Variants in GALNTL6 observed in about 807,000 individuals in gnomAD.
The protein encoded by GALNTL6 is polypeptide N-acetylgalactosaminyltransferase-like 6.
In GALNTL6, 46 loss-of-function variants were observed where a neutral mutation model predicts 73.7. That is an observed-to-expected ratio of 0.62 (90% CI 0.49 to 0.80). The LOEUF is 0.80. Among genes scored for constraint, GALNTL6 ranks in the 30% least tolerant of loss-of-function variants. The pLI is 0.00. For synonymous variants in GALNTL6, 259 were observed against 263.7 expected, an observed-to-expected ratio of 0.98 and a Z score of 0.17; for missense variants, 604 against 755.0, an observed-to-expected ratio of 0.80 and a Z score of 2.34.
intron 5 of GALNTL6, among the ~76,000 whole-genome samples, chr4:172,631,934 C>A (rs1166371909): frequency 6.6e-6 from 1 of 152,058 alleles, no homozygotes; most frequent in Non-Finnish European, 1.5e-5. Context: ...ATTTTCAGTA[C>A]CTAGAAATAT....
rs1039123099 is a variant in GALNTL6, at chr4:172,027,682, T to C, written c.139-201974T>C. On this transcript the variant is annotated intron_variant, in intron 2 of 12. Coordinates refer to ENST00000506823, the MANE Select transcript of GALNTL6 (RefSeq NM_001034845.3). The stretch of plus-strand genomic sequence containing the variant: ...TGATTAAGCTTAGTTGAGGAAGGCA[T>C]GTTGCAAGCCAAGATGGGCCAAAAG... Among the ~76,000 whole-genome samples, 96 of 152,230 alleles carry C rather than the reference T, an allele frequency of 6.3e-4. 1 individual carries two copies. The highest frequency in any genetic ancestry group is 2.2e-3 in the African/African-American group (93 of 41,548).
intron 5 of GALNTL6, among the ~76,000 whole-genome samples, chr4:172,403,036 A>T (rs1579039546): frequency 6.6e-6 from 1 of 152,042 alleles, no homozygotes; most frequent in Non-Finnish European, 1.5e-5. Context: ...AATTTGTAGA[A>T]AGGAATAAGA....
At chr4:172,978,790 A>G (rs1011642512) in intron 10 of GALNTL6, among the ~76,000 whole-genome samples, 1 of 152,200 alleles carries the variant, frequency 6.6e-6, no homozygotes, top group African/African-American at 2.4e-5. Context: ...GGCAAACACA[A>G]CGATAAACAG....
At chr4:171,873,872 G>A (rs1343394897) in intron 2 of GALNTL6, among the ~76,000 whole-genome samples, 1 of 152,076 alleles carries the variant, frequency 6.6e-6, no homozygotes, top group African/African-American at 2.4e-5. Flanking sequence ...TGGAGTTGAA[G>A]GAGGGACATG....
chr4:172,836,436 A>G (rs1742913951), intron 7 of GALNTL6, among the ~76,000 whole-genome samples: 1 of 152,208 alleles, frequency 6.6e-6, no homozygotes, highest in Non-Finnish European at 1.5e-5. Flanking sequence ...ATGCAGTGCC[A>G]TGCTCCAAAG....
chr4:172,380,076 T>C, intron 5 of GALNTL6: 1 of 973,996 alleles, frequency 1.0e-6, no homozygotes, highest in South Asian at 1.3e-5. Context: ...TAGCTGTTTA[T>C]ATGGCTTGGG....
intron 6 of GALNTL6, among the ~76,000 whole-genome samples, chr4:172,811,134 G>A (rs1432701680): frequency 6.6e-6 from 1 of 152,078 alleles, no homozygotes; most frequent in Non-Finnish European, 1.5e-5. Context: ...CATCCAAAGT[G>A]AAAAAACAGG....
chr4:172,181,597 G>A (rs942421703), intron 2 of GALNTL6, among the ~76,000 whole-genome samples: 13 of 149,894 alleles, frequency 8.7e-5, no homozygotes, highest in African/African-American at 3.0e-4. Context: ...GTTCTGGCCA[G>A]GGCAATCAGG....
intron 2 of GALNTL6, among the ~76,000 whole-genome samples, chr4:171,880,588 G>C (rs1029835597): frequency 2.0e-5 from 3 of 152,124 alleles, no homozygotes; most frequent in African/African-American, 7.2e-5. Flanking sequence ...GCTGAAGCAG[G>C]CACAAAATAA....
intron 3 of GALNTL6, among the ~76,000 whole-genome samples, chr4:172,249,871 C>T (rs961191189): frequency 6.6e-6 from 1 of 152,198 alleles, no homozygotes; most frequent in Non-Finnish European, 1.5e-5. Context: ...GGGTGGACCC[C>T]TCAGGGAGAT....
At chr4:172,164,039 A>C (rs1054879805) in intron 2 of GALNTL6, among the ~76,000 whole-genome samples, 2 of 152,020 alleles carry the variant, frequency 1.3e-5, no homozygotes, top group Non-Finnish European at 2.9e-5. Flanking sequence ...AGGGAATGGA[A>C]GTTTACGAGA....
At chr4:172,331,466 A>G (rs890147509) in intron 4 of GALNTL6, among the ~76,000 whole-genome samples, 2 of 152,198 alleles carry the variant, frequency 1.3e-5, no homozygotes, top group Non-Finnish European at 2.9e-5. Context: ...GTACAATATC[A>G]TACAACAGAT....
At chr4:172,238,144 A>G (rs1373143593) in intron 3 of GALNTL6, among the ~76,000 whole-genome samples, 1 of 152,120 alleles carries the variant, frequency 6.6e-6, no homozygotes, top group Non-Finnish European at 1.5e-5. Context: ...GAAGAACGTC[A>G]TTGGTAGTTC....
intron 6 of GALNTL6, among the ~76,000 whole-genome samples, chr4:172,811,662 T>TG (rs1041443510): frequency 4.1e-4 from 62 of 152,208 alleles, no homozygotes; most frequent in African/African-American, 1.4e-3. Flanking sequence ...GAAATGGTGC[T>TG]GGGGGGTCTC....
At chr4:171,928,010 A>G (rs190926856) in intron 2 of GALNTL6, among the ~76,000 whole-genome samples, 4 of 152,302 alleles carry the variant, frequency 2.6e-5, no homozygotes, top group African/African-American at 9.6e-5. Context: ...TTGTATTCCC[A>G]GTATTAAAAA....
intron 12 of GALNTL6, among the ~76,000 whole-genome samples, chr4:173,022,346 G>T (rs1394586024): frequency 2.6e-5 from 4 of 152,238 alleles, no homozygotes; most frequent in Admixed American, 1.3e-4. Context: ...GGCTTCGCTT[G>T]TTATATGTGT....
chr4:172,029,979 A>G (rs979576926), intron 2 of GALNTL6, among the ~76,000 whole-genome samples: 1 of 152,114 alleles, frequency 6.6e-6, no homozygotes, highest in African/African-American at 2.4e-5. Flanking sequence ...ATATATGTGT[A>G]TGCTATGTTT....
intron 5 of GALNTL6, among the ~76,000 whole-genome samples, chr4:172,451,891 G>C (rs757340406): frequency 3.3e-5 from 5 of 152,186 alleles, no homozygotes; most frequent in African/African-American, 1.2e-4. Context: ...TGCACCTGTA[G>C]TCCTAGCTGC....
At chr4:173,023,563 A>T (rs2126520988) in intron 12 of GALNTL6, among the ~76,000 whole-genome samples, 1 of 152,268 alleles carries the variant, frequency 6.6e-6, no homozygotes, top group South Asian at 2.1e-4. Flanking sequence ...AGGCTGAGGC[A>T]GGAGAATTGC....
Sources: allele counts gnomAD v4.1 joint callset (sites outside exome capture counted in the v4.1 genomes callset), GRCh38; gene constraint gnomAD v4.1.1; transcripts MANE v1.5; gene names NCBI Gene and HGNC (gene_info 2026-07-23, HGNC 2026-07-21).